The following FLNB variants were observed in gnomAD, a reference collection of about 807,000 sequenced individuals.
FLNB encodes the protein filamin-B.
FLNB carries 111 observed loss-of-function variants against 250.6 expected under a neutral mutation model. The ratio of observed to expected loss-of-function variants is 0.44; its 90% confidence interval spans 0.38 to 0.52. The LOEUF is 0.52. Among genes scored for constraint, FLNB ranks in the 20% least tolerant of loss-of-function variants. The probability of loss-of-function intolerance (pLI) is 0.00; values close to 1 mark genes in which losing one functional copy is unlikely to be tolerated. For synonymous variants in FLNB, 1,302 were observed against 1,372.1 expected, an observed-to-expected ratio of 0.95 and a Z score of 1.13; for missense variants, 2,869 against 3,447.8, an observed-to-expected ratio of 0.83 and a Z score of 4.20.
At chr3:58,110,218 T>A in intron 16 of FLNB, 48 bp downstream of exon 16, 1 of 1,589,118 alleles carries the variant, frequency 6.3e-7, no homozygotes, top group Non-Finnish European at 8.6e-7. Context: ...GCCTGGATTC[T>A]CTTTGGCCAC....
intron 1 of FLNB, among the ~76,000 whole-genome samples, chr3:58,056,477 C>A (rs1307026723): frequency 1.3e-5 from 2 of 152,084 alleles, no homozygotes; most frequent in African/African-American, 2.4e-5. Context: ...CCACTTTTCA[C>A]ACTTTAAAAA....
Position 58,059,590 on chromosome 3 carries a change from G to A in FLNB, c.293-17456G>A, listed in dbSNP as rs111591057. The stretch of plus-strand genomic sequence containing the variant: ...CCAGCCACGGCAGCAGCTGGTGGAT[G>A]GGGTGATGCCTTGGATATTTATCGT... On this transcript the variant is annotated intron_variant, in intron 1 of 45. Transcript: ENST00000295956. Among the ~76,000 whole-genome samples the A allele has an allele frequency of 9.6e-3, 1,462 of 152,272 alleles. 27 individuals are homozygous for A. Among genetic ancestry groups the A allele is most frequent in the East Asian group, 0.053 (273 of 5,170 alleles).
chr3:58,046,981 T>C (rs1360853238), intron 1 of FLNB, among the ~76,000 whole-genome samples: 1 of 152,228 alleles, frequency 6.6e-6, no homozygotes, highest in Non-Finnish European at 1.5e-5. Flanking sequence ...TACGGCCAAG[T>C]GTTGGAATGT....
chr3:58,042,893 A>T (rs1291904711), intron 1 of FLNB, among the ~76,000 whole-genome samples: 3 of 152,018 alleles, frequency 2.0e-5, no homozygotes. Context: ...TCTACTGGGA[A>T]TGTTTGTTTG....
chr3:58,160,948 A>G (rs2097360591), intron 42 of FLNB, among the ~76,000 whole-genome samples: 1 of 152,162 alleles, frequency 6.6e-6, no homozygotes, highest in Non-Finnish European at 1.5e-5. Context: ...ATGCCATTGC[A>G]CTCCAGCCTG....
At chr3:58,092,557 G>A (rs560564172) in intron 4 of FLNB, among the ~76,000 whole-genome samples, 1 of 152,234 alleles carries the variant, frequency 6.6e-6, no homozygotes, top group African/African-American at 2.4e-5. Context: ...GAGGCAGGAG[G>A]ATTGCCTGAG....
chr3:58,080,744 G>A (rs1380160615), intron 3 of FLNB, among the ~76,000 whole-genome samples: 5 of 146,584 alleles, frequency 3.4e-5, no homozygotes, highest in African/African-American at 2.6e-5. Context: ...CACCCACCTC[G>A]GCCTCCCAAA....
chr3:58,139,689 T>C (rs1050225620), intron 29 of FLNB, among the ~76,000 whole-genome samples: 1 of 152,214 alleles, frequency 6.6e-6, no homozygotes, highest in Non-Finnish European at 1.5e-5. Flanking sequence ...AAGAAAGAAA[T>C]ACAGCTGGGA....
Position 58,145,871 on chromosome 3 carries a change from G to A in FLNB, c.5426-50G>A, listed in dbSNP as rs143795134. ...AAGATGCCAGTTGTCCAGGGTCTTC[G>A]TTCACCCCTTAATGAGCACCAATTT... On this transcript the variant is annotated intron_variant, in intron 32 of 45. Coordinates refer to ENST00000295956, the MANE Select transcript of FLNB (RefSeq NM_001457.4). 2.1e-3 allele frequency: 3,381 copies of A among 1,613,418 alleles called. 24 individuals carry two copies. In the African/African-American group the frequency reaches 0.023, roughly 11 times the overall value.
rs574215546 is a variant in FLNB at position 58,061,750 on chromosome 3, C to CA, written c.293-15280dup. ...TGAGACCCTGTCTCCCCCTGGCCTC[C>CA]AAAAAAAAAAAAAAAAGTAACATAT... is the stretch of plus-strand genomic sequence containing the variant. On this transcript the variant is annotated intron_variant, in intron 1 of 45. Coordinates refer to ENST00000295956, the MANE Select transcript of FLNB (RefSeq NM_001457.4). 5.5e-3 allele frequency among the ~76,000 whole-genome samples: 454 copies of CA among 82,972 alleles called. 2 individuals carry two copies. Among genetic ancestry groups the CA allele is most frequent in the Admixed American group, 0.011 (84 of 7,756 alleles). The allele number at this position is 82,972 out of a possible 152,430, so 54.4% of individuals were successfully genotyped here. A position where few individuals can be genotyped will look rare whatever the true frequency, so the allele number is the denominator to read the frequency against.
At chr3:58,026,052 G>T (rs1559643233) in intron 1 of FLNB, among the ~76,000 whole-genome samples, 1 of 152,220 alleles carries the variant, frequency 6.6e-6, no homozygotes, top group Admixed American at 6.5e-5. Flanking sequence ...CTGCTGTTGT[G>T]GTGTTAGTAT....
chr3:58,066,636 C>T (rs2097186099), intron 1 of FLNB, among the ~76,000 whole-genome samples: 3 of 152,190 alleles, frequency 2.0e-5, no homozygotes, highest in Non-Finnish European at 4.4e-5. Context: ...GGCCCTTTAG[C>T]AGACCTGTCT....
At chr3:58,138,165 C>T in intron 28 of FLNB, 117 bp from the exon 29 acceptor site, 8 of 1,339,864 alleles carry the variant, frequency 6.0e-6, no homozygotes, top group South Asian at 3.6e-5. Flanking sequence ...CTCTGAATGG[C>T]AGCAGTTGGA....
chr3:58,095,614 C>G (rs12487947), intron 5 of FLNB, among the ~76,000 whole-genome samples: 64,546 of 151,808 alleles, frequency 0.43, 15,224 homozygotes, highest in East Asian at 0.92. Context: ...CTGCTCTCTT[C>G]CCACATTGGC....
intron 1 of FLNB, among the ~76,000 whole-genome samples, chr3:58,039,520 C>A (rs1002499870): frequency 6.6e-6 from 1 of 152,124 alleles, no homozygotes; most frequent in Non-Finnish European, 1.5e-5. Flanking sequence ...GTCACCACCC[C>A]CCTTGCCTTG....
At chr3:58,133,449 A>G (rs1342942503) in intron 26 of FLNB, among the ~76,000 whole-genome samples, 1 of 149,774 alleles carries the variant, frequency 6.7e-6, no homozygotes, top group African/African-American at 2.4e-5. Flanking sequence ...AAAAAAAAAA[A>G]AAAAAAAAAA....
At chr3:58,017,137 A>G (rs1458538356) in intron 1 of FLNB, among the ~76,000 whole-genome samples, 1 of 152,238 alleles carries the variant, frequency 6.6e-6, no homozygotes, top group Non-Finnish European at 1.5e-5. Flanking sequence ...GGGTCTCTTT[A>G]TGACTGAAGT....
chr3:58,103,880 G>A lies in FLNB; in HGVS notation c.1484-79G>A, dbSNP rs535573194. The A allele has an allele frequency of 1.3e-5, 20 of 1,561,602 alleles. No individual in the cohort carries two copies. The South Asian group carries it at 2.2e-4, about 17-fold the overall frequency. On this transcript the variant is annotated intron_variant, in intron 9 of 45. Transcript: ENST00000295956. ...GGTTTATGTTTTGTTCAGTGTGGCT[G>A]CCTCTCTGTTCTTGTCCTTTTGATT... is the stretch of plus-strand genomic sequence containing the variant.
chr3:58,055,286 C>T (rs968471018), intron 1 of FLNB, among the ~76,000 whole-genome samples: 1 of 151,648 alleles, frequency 6.6e-6, no homozygotes, highest in Non-Finnish European at 1.5e-5. Context: ...AAAACTTACT[C>T]TTTGGCCCTT....
Sources: allele counts gnomAD v4.1 joint callset (sites outside exome capture counted in the v4.1 genomes callset), GRCh38; gene constraint gnomAD v4.1.1; transcripts MANE v1.5; gene names NCBI Gene and HGNC (gene_info 2026-07-23, HGNC 2026-07-21).